SMARCAD1: variants seen among roughly 807,000 people sequenced by gnomAD.
SMARCAD1 encodes SNF2 related chromatin remodeling ATPase with DExD box 1, also known as SWI/SNF-related matrix-associated actin-dependent regulator of chromatin subfamily A containing DEAD/H box 1.
Under a neutral mutation model 127.1 loss-of-function variants are expected in SMARCAD1, and 25 were observed. The observed-to-expected ratio is 0.20, with a 90% CI of 0.14 to 0.27. The LOEUF (loss-of-function observed/expected upper bound fraction) is 0.27, where lower values mean the gene tolerates loss of function less well. Ranked by LOEUF, SMARCAD1 falls within the 10% of genes least tolerant of loss-of-function variation. SMARCAD1 has a pLI of 1.00. For synonymous variants in SMARCAD1, 400 were observed against 396.9 expected (o/e 1.01, Z -0.09); for missense variants, 807 against 1,206.0 (o/e 0.67, Z 4.90).
chr4:94,217,077 C>T (rs944515624), intron 2 of SMARCAD1, among the ~76,000 whole-genome samples: 1 of 152,148 alleles, frequency 6.6e-6, no homozygotes, highest in Non-Finnish European at 1.5e-5. Context: ...TTCTCCACAT[C>T]CTCTCCAACC....
chr4:94,228,067 AAG>A (rs1018225599), intron 3 of SMARCAD1, among the ~76,000 whole-genome samples: 4 of 152,184 alleles, frequency 2.6e-5, no homozygotes, highest in Non-Finnish European at 5.9e-5. Flanking sequence ...TGTTGTAAGA[AAG>A]AGCAAGAGAT....
rs562366146 is a variant in SMARCAD1 at position 94,290,587 on chromosome 4, C to T, written c.*1053C>T. On this transcript the variant is annotated 3_prime_UTR_variant, in exon 24 of 24. Transcript: ENST00000354268. ...TCCAGAATTTCCAGTACAGGACCGC[C>T]TGAAGAGAGAGCCATTGTTCAATTC... 5.1e-5 allele frequency: 23 copies of T among 454,440 alleles called. 1 individual carries two copies. The highest frequency in any genetic ancestry group is 3.4e-4 in the South Asian group (22 of 64,464). The allele number at this position is 454,440 out of a possible 1,614,324, so 28.2% of individuals were successfully genotyped here. A position where few individuals can be genotyped will look rare whatever the true frequency, so the allele number is the denominator to read the frequency against.
chr4:94,224,428 G>A (rs527846646), intron 2 of SMARCAD1, among the ~76,000 whole-genome samples: 2 of 152,216 alleles, frequency 1.3e-5, no homozygotes, highest in South Asian at 4.1e-4. Flanking sequence ...AATGAGATTG[G>A]GAATGGAACC....
chr4:94,232,665 T>A (rs1453296120), intron 3 of SMARCAD1, among the ~76,000 whole-genome samples: 1 of 152,122 alleles, frequency 6.6e-6, no homozygotes, highest in Non-Finnish European at 1.5e-5. Context: ...TTGAAATACG[T>A]ACACTGGCTA....
Position 94,291,064 on chromosome 4 carries a change from T to G in SMARCAD1, c.*1530T>G, listed in dbSNP as rs1401250691. On this transcript the variant is annotated 3_prime_UTR_variant, in exon 24 of 24. Coordinates refer to ENST00000354268, the MANE Select transcript of SMARCAD1 (RefSeq NM_020159.5). ...TTAATACTACCTCCTTGTACATCAC[T>G]ATACCCAAATCAGTTATTCAAATTG... 6.7e-6 allele frequency: 3 copies of G among 446,118 alleles called. No homozygotes were observed. The East Asian group carries it at 2.1e-4, about 31-fold the overall frequency. The allele number at this position is 446,118 out of a possible 1,614,324, so 27.6% of individuals were successfully genotyped here. A position where few individuals can be genotyped will look rare whatever the true frequency, so the allele number is the denominator to read the frequency against.
At position 94,290,647 on chromosome 4, in the gene SMARCAD1, G is replaced by A. The variant is rs1240197700; in HGVS notation, c.*1113G>A. On this transcript the variant is annotated 3_prime_UTR_variant, in exon 24 of 24. Transcript: ENST00000354268. ...GTGAGTGACAAAGTGAAATTTAGAA[G>A]TGAAGTTGTCTATTTGATATTTAAC... 2.2e-6 allele frequency: 1 copy of A among 454,128 alleles called. No individual in the cohort carries two copies. Among genetic ancestry groups the A allele is most frequent in the Non-Finnish European group, 4.4e-6 (1 of 226,654 alleles). The allele number at this position is 454,128 out of a possible 1,614,324, so 28.1% of individuals were successfully genotyped here. A position where few individuals can be genotyped will look rare whatever the true frequency, so the allele number is the denominator to read the frequency against.
intron 22 of SMARCAD1, among the ~76,000 whole-genome samples, chr4:94,284,326 C>CAAAAAAAAAAAAAAAAAA (rs1161926658): frequency 3.9e-5 from 1 of 25,922 alleles, no homozygotes; most frequent in African/African-American, 1.1e-4. Flanking sequence ...GACTCCGTCT[C>CAAAAAAAAAAAAAAAAAA]AAAAAAAAAA....
chr4:94,289,559 G>A lies in SMARCAD1; in HGVS notation c.*25G>A. 6.3e-7 allele frequency: 1 copy of A among 1,584,244 alleles called. No homozygotes were observed. Among genetic ancestry groups the A allele is most frequent in the East Asian group, 2.2e-5 (1 of 44,638 alleles). On this transcript the variant is annotated 3_prime_UTR_variant, in exon 24 of 24. Coordinates refer to ENST00000354268, the MANE Select transcript of SMARCAD1 (RefSeq NM_020159.5). Reference sequence around the variant, plus strand: ...AAATAAGAACTGTGAACTCTCAATTGATGAGGAAATATCAACTTGGTGCAC... The same window carrying A: ...AAATAAGAACTGTGAACTCTCAATTAATGAGGAAATATCAACTTGGTGCAC...
chr4:94,279,011 A>C lies in SMARCAD1; in HGVS notation c.2379A>C (p.Thr793=). 1 of 1,614,148 alleles carries C rather than the reference A, an allele frequency of 6.2e-7. No homozygotes were observed. Among genetic ancestry groups the C allele is most frequent in the Non-Finnish European group, 8.5e-7 (1 of 1,180,012 alleles). Residue 793 remains threonine, a synonymous_variant, in exon 19 of 24, where the codon ACA becomes ACC. Transcript: ENST00000354268. Reference sequence around the variant, plus strand: ...CTTTATTACATCGCCAATATTACACAGCTGAAAAACTCAAGGAAATGTCTC... The same window carrying C: ...CTTTATTACATCGCCAATATTACACCGCTGAAAAACTCAAGGAAATGTCTC... The part of the protein sequence containing the change: ...NHPLLHRQYY[T]AEKLKEMSQL...
chr4:94,282,796 C>A (rs899540295), intron 21 of SMARCAD1, among the ~76,000 whole-genome samples: 7 of 151,864 alleles, frequency 4.6e-5, no homozygotes, highest in African/African-American at 1.5e-4. Flanking sequence ...AGCCGATATA[C>A]TTCTGAGAAG....
intron 23 of SMARCAD1, among the ~76,000 whole-genome samples, chr4:94,287,280 C>T (rs1349002376): frequency 1.3e-5 from 2 of 152,160 alleles, no homozygotes; most frequent in Admixed American, 6.6e-5. Flanking sequence ...TCCCGGGTTT[C>T]ATTTAGGTAA....
At chr4:94,253,174 C>T in intron 9 of SMARCAD1, 167 bp downstream of exon 9, 3 of 1,505,928 alleles carry the variant, frequency 2.0e-6, no homozygotes, top group South Asian at 2.4e-5. Context: ...CAAATAGTGT[C>T]ATATGACCTA....
Position 94,240,788 on chromosome 4 carries a change from C to T in SMARCAD1, c.605-118C>T, listed in dbSNP as rs908609662. 6.1e-5 allele frequency: 44 copies of T among 726,988 alleles called. No individual in the cohort carries two copies. In the Admixed American group the frequency reaches 7.5e-4, roughly 12 times the overall value. The allele number at this position is 726,988 out of a possible 1,614,324, so 45.0% of individuals were successfully genotyped here. ...CATATGTAGAACAACAAACACTGGG[C>T]CTGATATCAAGAGAACTGTCTAGTA... On this transcript the variant is annotated intron_variant, in intron 5 of 23. Transcript: ENST00000354268.
At chr4:94,218,226 T>A (rs1743512694) in intron 2 of SMARCAD1, among the ~76,000 whole-genome samples, 1 of 152,210 alleles carries the variant, frequency 6.6e-6, no homozygotes, top group African/African-American at 2.4e-5. Flanking sequence ...CGCTTTTGCC[T>A]TGTTCAGTGT....
In SMARCAD1 at chr4:94,278,837, G is replaced by A. The variant is rs1753643010; in HGVS notation, c.2297-92G>A. 8 of 1,599,620 alleles carry A rather than the reference G, an allele frequency of 5.0e-6. No homozygotes were observed. The South Asian group carries it at 5.6e-5, about 11-fold the overall frequency. On this transcript the variant is annotated intron_variant, in intron 18 of 23. Coordinates refer to ENST00000354268, the MANE Select transcript of SMARCAD1 (RefSeq NM_020159.5). ...TTTGTGCATTTTAAAAAATTATCTG[G>A]AATTTGAGGAAATAATTTTAAAACT... is the stretch of plus-strand genomic sequence containing the variant.
chr4:94,237,214 C>G (rs551171531), intron 5 of SMARCAD1, among the ~76,000 whole-genome samples, 196 bp downstream of exon 5: 3 of 152,026 alleles, frequency 2.0e-5, no homozygotes, highest in Non-Finnish European at 4.4e-5. Flanking sequence ...GCTTTTCTAC[C>G]AATCAAATCT....
In SMARCAD1 at chr4:94,281,224, G is replaced by C. The variant is rs76855076; in HGVS notation, c.2608-248G>C. ...CTTATGAAAAGGAAGTAATTTAACTGTTCTTAAAATCAAAACTGAGAGCTA... is the reference window on the plus strand; with the variant it reads ...CTTATGAAAAGGAAGTAATTTAACTCTTCTTAAAATCAAAACTGAGAGCTA... On this transcript the variant is annotated intron_variant, in intron 20 of 23. Coordinates refer to ENST00000354268, the MANE Select transcript of SMARCAD1 (RefSeq NM_020159.5). 0.048 allele frequency among the ~76,000 whole-genome samples: 7,243 copies of C among 152,222 alleles called. 459 individuals carry two copies. Among genetic ancestry groups the C allele is most frequent in the East Asian group, 0.21 (1,094 of 5,176 alleles).
At chr4:94,237,498 TA>T (rs34166467) in intron 5 of SMARCAD1, among the ~76,000 whole-genome samples, 78 of 141,652 alleles carry the variant, frequency 5.5e-4, no homozygotes, top group Middle Eastern at 3.6e-3. Flanking sequence ...TTACACATAC[TA>T]AAAAAAAAAA....
intron 17 of SMARCAD1, 35 bp from the exon 18 acceptor site, chr4:94,278,581 A>G: frequency 1.2e-6 from 2 of 1,611,798 alleles, no homozygotes; most frequent in African/African-American, 1.3e-5. Flanking sequence ...TCTCTTTACT[A>G]GAATGATTAT....
Sources: allele counts gnomAD v4.1 joint callset (sites outside exome capture counted in the v4.1 genomes callset), GRCh38; gene constraint gnomAD v4.1.1; transcripts MANE v1.5; gene names NCBI Gene and HGNC (gene_info 2026-07-23, HGNC 2026-07-21).